The following TPTE variants were observed in gnomAD, a reference collection of about 807,000 sequenced individuals.
The protein encoded by TPTE is transmembrane phosphatase with tensin homology.
In TPTE, 59 loss-of-function variants were observed where a neutral mutation model predicts 84.1. That is an observed-to-expected ratio of 0.70 (90% confidence interval 0.57 to 0.87). The LOEUF is 0.87. Ranked by LOEUF, TPTE falls within the 40% of genes least tolerant of loss-of-function variation. The pLI, the probability that TPTE is intolerant of heterozygous loss-of-function variation, is 0.00. For synonymous variants in TPTE, 130 were observed against 223.5 expected (o/e 0.58, Z 3.73); for missense variants, 382 against 659.6 (o/e 0.58, Z 4.61).
chr21:10,530,310 T>C (rs924751378), intron 3 of TPTE, among the ~76,000 whole-genome samples: 3 of 152,310 alleles, frequency 2.0e-5, no homozygotes, highest in East Asian at 1.9e-4. Context: ...AGTACAGATA[T>C]ACATATTGAC....
At chr21:10,560,213 T>C (rs981905747) in intron 9 of TPTE, among the ~76,000 whole-genome samples, 1 of 152,308 alleles carries the variant, frequency 6.6e-6, no homozygotes, top group Non-Finnish European at 1.5e-5. Flanking sequence ...TAAAGTGTTT[T>C]ATTAGTACCT....
At chr21:10,560,308 T>C (rs2074771986) in intron 9 of TPTE, among the ~76,000 whole-genome samples, 1 of 152,312 alleles carries the variant, frequency 6.6e-6, no homozygotes, top group Admixed American at 6.5e-5. Context: ...TACTATGATA[T>C]AGATTTATAC....
At chr21:10,561,974 C>G (rs1348691804) in intron 10 of TPTE, among the ~76,000 whole-genome samples, 4 of 152,306 alleles carry the variant, frequency 2.6e-5, no homozygotes, top group African/African-American at 9.6e-5. Context: ...AATGCAGTCA[C>G]AGTAGTGGTG....
At chr21:10,565,186 A>C (rs541518000) in intron 10 of TPTE, among the ~76,000 whole-genome samples, 1 of 152,304 alleles carries the variant, frequency 6.6e-6, no homozygotes, top group African/African-American at 2.4e-5. Context: ...ATATACAAAA[A>C]TCAGTAGCAT....
intron 2 of TPTE, among the ~76,000 whole-genome samples, chr21:10,525,567 G>A (rs1248076666): frequency 6.6e-6 from 1 of 152,308 alleles, no homozygotes; most frequent in East Asian, 1.9e-4. Flanking sequence ...GATTTGGTCG[G>A]AGACCTACTT....
At chr21:10,601,400 G>A (rs1266002060) in intron 21 of TPTE, among the ~76,000 whole-genome samples, 1 of 152,308 alleles carries the variant, frequency 6.6e-6, no homozygotes, top group Non-Finnish European at 1.5e-5. Flanking sequence ...CTACTTGGGA[G>A]GCTGAGGCTG....
At chr21:10,553,763 TATTC>T (rs2074625696) in intron 8 of TPTE, among the ~76,000 whole-genome samples, 1 of 152,312 alleles carries the variant, frequency 6.6e-6, no homozygotes, top group African/African-American at 2.4e-5. Flanking sequence ...TGGCATCATA[TATTC>T]ATTCACCTGA....
intron 8 of TPTE, 34 bp downstream of exon 8, chr21:10,552,750 A>G (rs375957154): frequency 1.9e-6 from 3 of 1,613,560 alleles, no homozygotes; most frequent in African/African-American, 2.7e-5. Context: ...GGAGGGAGCC[A>G]TTGATGGATC....
chr21:10,527,211 T>A, intron 2 of TPTE, 144 bp from the exon 3 acceptor site: 1 of 152,722 alleles, frequency 6.5e-6, no homozygotes, highest in African/African-American at 2.4e-5. Flanking sequence ...ACTAGTGCTG[T>A]ATCCTGAAAT....
intron 14 of TPTE, among the ~76,000 whole-genome samples, chr21:10,574,175 C>T (rs542119718): frequency 6.6e-6 from 1 of 152,312 alleles, no homozygotes; most frequent in South Asian, 2.1e-4. Context: ...ATGCTGTTTA[C>T]TGTGAAATGC....
At chr21:10,560,433 T>C (rs1465160362) in intron 9 of TPTE, among the ~76,000 whole-genome samples, 2 of 152,308 alleles carry the variant, frequency 1.3e-5, no homozygotes, top group African/African-American at 2.4e-5. Context: ...CTAATCAATT[T>C]ATGGAGAATG....
rs1363570429 is a variant in TPTE, at chr21:10,603,561, G to A, written c.1450-1G>A. On this transcript the variant is annotated splice_acceptor_variant, in intron 22 of 23. Transcript: ENST00000618007. LOFTEE classifies it high-confidence loss of function. ...ACTTTGAAATTTTTTTTTCTTTTTA[G>A]AATCTTCCTACATACTATGACAATT... is the stretch of plus-strand genomic sequence containing the variant. 6.2e-7 allele frequency: 1 copy of A among 1,608,124 alleles called. No individual in the cohort carries two copies. Among genetic ancestry groups the A allele is most frequent in the Middle Eastern group, 1.7e-4 (1 of 6,018 alleles).
At chr21:10,567,195 G>A (rs2074939149) in intron 10 of TPTE, among the ~76,000 whole-genome samples, 3 of 152,294 alleles carry the variant, frequency 2.0e-5, no homozygotes, top group Non-Finnish European at 4.4e-5. Context: ...GGGCTTGGGG[G>A]TGGGGAGATG....
rs1979224010 is a variant in TPTE at position 10,605,658 on chromosome 21, TA to T, written c.*107del. 2.0e-6 allele frequency: 3 copies of T among 1,467,438 alleles called. No homozygotes were observed. In the African/African-American group the frequency reaches 4.3e-5, roughly 21 times the overall value. 90.9% of individuals were successfully genotyped at this position (1,467,438 alleles called of 1,614,324 possible). A position where few individuals can be genotyped will look rare whatever the true frequency, so the allele number is the denominator to read the frequency against. On this transcript the variant is annotated 3_prime_UTR_variant, in exon 24 of 24. Transcript: ENST00000618007. ...CTAAATGTTCCTTGAAGTATTTATT[TA>T]TGTTTATATATGTTTATATATGTTC...
At chr21:10,532,284 A>T (rs945298058) in intron 3 of TPTE, among the ~76,000 whole-genome samples, 1 of 152,304 alleles carries the variant, frequency 6.6e-6, no homozygotes, top group African/African-American at 2.4e-5. Context: ...ATTCCATCTA[A>T]GTTTTCACAT....
intron 7 of TPTE, among the ~76,000 whole-genome samples, chr21:10,547,368 CT>C (rs2074488231): frequency 1.3e-5 from 2 of 152,306 alleles, no homozygotes; most frequent in Admixed American, 1.3e-4. Flanking sequence ...TGTGCAGCCC[CT>C]TCTGCCCCAT....
At position 10,527,418 on chromosome 21, in the gene TPTE, T is replaced by C. The variant is rs1420803932; in HGVS notation, c.-44+6T>C. 6.5e-6 allele frequency: 1 copy of C among 152,766 alleles called. No individual in the cohort carries two copies. The highest frequency in any genetic ancestry group is 2.4e-5 in the African/African-American group (1 of 41,482). 9.5% of individuals were successfully genotyped at this position (152,766 alleles called of 1,614,324 possible). A position where few individuals can be genotyped will look rare whatever the true frequency, so the allele number is the denominator to read the frequency against. On this transcript the variant is annotated splice_donor_region_variant and intron_variant, in intron 3 of 23. Coordinates refer to ENST00000618007, the MANE Select transcript of TPTE (RefSeq NM_199261.4). ...GACAACTATGACCACAATGGGTGAG[T>C]TGACTGATCTAAGTGGTGAAAAATA...
At chr21:10,573,741 G>T (rs1363345359) in intron 14 of TPTE, among the ~76,000 whole-genome samples, 1 of 152,308 alleles carries the variant, frequency 6.6e-6, no homozygotes, top group Non-Finnish European at 1.5e-5. Flanking sequence ...GAAGGAAACA[G>T]ATTTTTTAAA....
intron 14 of TPTE, among the ~76,000 whole-genome samples, chr21:10,572,962 A>G (rs2075076330): frequency 6.6e-6 from 1 of 152,308 alleles, no homozygotes; most frequent in Non-Finnish European, 1.5e-5. Context: ...AATGAACAAA[A>G]TGACAGGATA....
Sources: allele counts gnomAD v4.1 joint callset (sites outside exome capture counted in the v4.1 genomes callset), GRCh38; gene constraint gnomAD v4.1.1; transcripts MANE v1.5; gene names NCBI Gene and HGNC (gene_info 2026-07-23, HGNC 2026-07-21).